TEAD1: variants seen among roughly 807,000 people sequenced by gnomAD.
TEAD1 encodes the protein TEA domain transcription factor 1.
In TEAD1, 9 loss-of-function variants were observed where a neutral mutation model predicts 54.9. The ratio of observed to expected loss-of-function variants is 0.16; its 90% CI spans 0.10 to 0.29. TEAD1 has a LOEUF of 0.29. Ranked by LOEUF, TEAD1 falls within the 10% of genes least tolerant of loss-of-function variation. The probability of loss-of-function intolerance (pLI) is 1.00; values close to 1 mark genes in which losing one functional copy is unlikely to be tolerated. For missense variants in TEAD1, 387 were observed against 535.9 expected, an observed-to-expected ratio of 0.72 and a Z score of 2.74; for synonymous variants, 200 against 187.8, an observed-to-expected ratio of 1.07 and a Z score of -0.53.
chr11:12,925,092 C>T (rs1268610808), intron 11 of TEAD1, 40 bp downstream of exon 11: 1 of 1,611,108 alleles, frequency 6.2e-7, no homozygotes, highest in Admixed American at 1.7e-5. Context: ...CATTCAAGGG[C>T]AGACTGTTGC....
At chr11:12,921,482 G>A (rs556541578) in intron 10 of TEAD1, among the ~76,000 whole-genome samples, 2 of 150,782 alleles carry the variant, frequency 1.3e-5, no homozygotes, top group African/African-American at 4.9e-5. Context: ...AGAGGTTGCG[G>A]TGAGCCAAGA....
At chr11:12,739,442 A>C (rs1944607892) in intron 2 of TEAD1, among the ~76,000 whole-genome samples, 2 of 152,138 alleles carry the variant, frequency 1.3e-5, no homozygotes, top group Non-Finnish European at 2.9e-5. Context: ...AGAACTCTCC[A>C]TTCCTTCCTC....
At chr11:12,886,266 A>G (rs1948084794) in intron 9 of TEAD1, among the ~76,000 whole-genome samples, 1 of 152,240 alleles carries the variant, frequency 6.6e-6, no homozygotes, top group Admixed American at 6.5e-5. Flanking sequence ...CAGGATACAT[A>G]TGATAATCTG....
intron 3 of TEAD1, among the ~76,000 whole-genome samples, chr11:12,837,127 T>G (rs1418622401): frequency 2.6e-5 from 4 of 152,210 alleles, no homozygotes; most frequent in Non-Finnish European, 5.9e-5. Flanking sequence ...CTACTTATAA[T>G]GTCCAAAAGT....
chr11:12,860,532 A>T (rs1387938202), intron 3 of TEAD1, among the ~76,000 whole-genome samples: 1 of 152,202 alleles, frequency 6.6e-6, no homozygotes, highest in Non-Finnish European at 1.5e-5. Flanking sequence ...CCCTAAGGAC[A>T]TTTTGATGTT....
At chr11:12,856,187 G>A (rs1947375767) in intron 3 of TEAD1, among the ~76,000 whole-genome samples, 1 of 151,200 alleles carries the variant, frequency 6.6e-6, no homozygotes, top group Admixed American at 6.6e-5. Context: ...GGACTACAGG[G>A]ATGTAGGAGC....
At chr11:12,757,760 G>T (rs1564930003) in intron 2 of TEAD1, among the ~76,000 whole-genome samples, 1 of 152,072 alleles carries the variant, frequency 6.6e-6, no homozygotes, top group Non-Finnish European at 1.5e-5. Flanking sequence ...CTGGTTGTTG[G>T]TTCATTCTTT....
chr11:12,692,333 T>C (rs887606181), intron 2 of TEAD1, among the ~76,000 whole-genome samples: 2 of 152,184 alleles, frequency 1.3e-5, no homozygotes, highest in Non-Finnish European at 2.9e-5. Flanking sequence ...AATACTTTTT[T>C]GTTTTGTTGG....
chr11:12,826,056 A>G (rs1270724521), intron 3 of TEAD1, among the ~76,000 whole-genome samples: 1 of 152,238 alleles, frequency 6.6e-6, no homozygotes, highest in Non-Finnish European at 1.5e-5. Context: ...TAGAAGGTTA[A>G]GCTAAATCTT....
intron 2 of TEAD1, among the ~76,000 whole-genome samples, chr11:12,709,060 G>A (rs967707112): frequency 6.6e-6 from 1 of 152,164 alleles, no homozygotes; most frequent in African/African-American, 2.4e-5. Context: ...AATTTGGGCT[G>A]GGTGCGGTAG....
rs529529776 is a variant in TEAD1 at position 12,689,895 on chromosome 11, TA to T, written c.-55+14343del. On this transcript the variant is annotated intron_variant, in intron 2 of 12. Transcript: ENST00000527636. ...CATATTTTAAAAATATGACTCTTTT[TA>T]AAAAAAAACAACCAACTATTGATAC... Among the ~76,000 whole-genome samples the T allele has an allele frequency of 7.1e-3, 1,065 of 150,920 alleles. 13 individuals are homozygous for T. The highest frequency in any genetic ancestry group is 0.023 in the African/African-American group (953 of 41,124).
chr11:12,764,060 A>T (rs979766236), intron 2 of TEAD1, 119 bp from the exon 3 acceptor site: 1 of 686,198 alleles, frequency 1.5e-6, no homozygotes, highest in Non-Finnish European at 2.4e-6. Context: ...CCCCAAAAAG[A>T]CTGAAATAAT....
intron 2 of TEAD1, among the ~76,000 whole-genome samples, chr11:12,725,872 CA>C (rs1944300966): frequency 6.6e-6 from 1 of 152,176 alleles, no homozygotes; most frequent in Admixed American, 6.5e-5. Flanking sequence ...AATCACTGTG[CA>C]TGGTTTTATT....
intron 5 of TEAD1, 62 bp from the exon 6 acceptor site, chr11:12,879,646 G>T (rs562394444): frequency 3.7e-6 from 6 of 1,611,332 alleles, no homozygotes; most frequent in Non-Finnish European, 5.1e-6. Context: ...GGCTGTGCCT[G>T]TGTAACCTGC....
intron 2 of TEAD1, among the ~76,000 whole-genome samples, chr11:12,679,347 A>T (rs1943167237): frequency 6.6e-6 from 1 of 152,142 alleles, no homozygotes; most frequent in Non-Finnish European, 1.5e-5. Context: ...AGCAGTTTTA[A>T]TTTGCAGGCA....
intron 2 of TEAD1, among the ~76,000 whole-genome samples, chr11:12,743,078 T>C (rs568621601): frequency 6.6e-6 from 1 of 152,370 alleles, no homozygotes; most frequent in African/African-American, 2.4e-5. Flanking sequence ...TTTGTCCTTC[T>C]CTTTCTTGGC....
chr11:12,940,014 G>A lies in TEAD1; in HGVS notation c.*2792G>A, dbSNP rs1340660582. On this transcript the variant is annotated 3_prime_UTR_variant, in exon 13 of 13. Transcript: ENST00000527636. ...TCTCTTCCAGGTGCTCTATCCCCTC[G>A]AGACCCTCTGGTGCCAGGCTTGCTT... 2.0e-5 allele frequency: 3 copies of A among 152,158 alleles called. No individual in the cohort carries two copies. Among genetic ancestry groups the A allele is most frequent in the South Asian group, 2.1e-4 (1 of 4,814 alleles). 9.4% of individuals were successfully genotyped at this position (152,158 alleles called of 1,614,324 possible).
intron 3 of TEAD1, among the ~76,000 whole-genome samples, chr11:12,848,026 G>T (rs541634852): frequency 1.3e-5 from 2 of 152,214 alleles, no homozygotes; most frequent in Admixed American, 1.3e-4. Flanking sequence ...GGCTAGGGCA[G>T]TGGGGTCAGT....
chr11:12,924,628 G>T (rs1048910284), intron 10 of TEAD1, among the ~76,000 whole-genome samples: 1 of 152,142 alleles, frequency 6.6e-6, no homozygotes, highest in Non-Finnish European at 1.5e-5. Flanking sequence ...CAAAGACCTT[G>T]TGGATCTTTT....
Sources: gnomAD v4.1 joint callset for allele counts (sites outside exome capture counted in the v4.1 genomes callset) on GRCh38, gnomAD v4.1.1 for gene constraint, MANE v1.5 for transcripts, NCBI Gene and HGNC (gene_info 2026-07-23, HGNC 2026-07-21) for gene names.